The following PIGR variants were observed in gnomAD, a reference collection of about 807,000 sequenced individuals.
PIGR encodes hepatocellular carcinoma associated protein TB6.
In PIGR, 22 loss-of-function variants were observed where a neutral mutation model predicts 69.5. The observed-to-expected ratio is 0.32, with a 90% CI of 0.23 to 0.45. PIGR has a LOEUF of 0.45. Among genes scored for constraint, PIGR ranks in the 20% least tolerant of loss-of-function variants. PIGR has a pLI of 1.00. For missense variants in PIGR, 885 were observed against 974.0 expected (o/e 0.91, Z 1.22); for synonymous variants, 413 against 407.6 (o/e 1.01, Z -0.16).
chr1:206,935,438 G>T lies in PIGR; in HGVS notation c.1378+48C>A. On this transcript the variant is annotated intron_variant, in intron 5 of 10. Coordinates refer to ENST00000356495, the MANE Select transcript of PIGR (RefSeq NM_002644.4). This position sits in a 1 kb window ranked among gnomAD's most constrained non-coding sequence, Gnocchi z 4.4. ...AGGAAGAGTGGTTGGGGATGCTGCTGCTGGCTGGAGAGGTTTTAGAGCTTT... is the reference window on the plus strand; with the variant it reads ...AGGAAGAGTGGTTGGGGATGCTGCTTCTGGCTGGAGAGGTTTTAGAGCTTT... 1 of 1,476,206 alleles carries T rather than the reference G, an allele frequency of 6.8e-7. No individual in the cohort carries two copies. Among genetic ancestry groups the T allele is most frequent in the Non-Finnish European group, 9.3e-7 (1 of 1,072,542 alleles). 91.4% of individuals were successfully genotyped at this position (1,476,206 alleles called of 1,614,324 possible). A position where few individuals can be genotyped will look rare whatever the true frequency, so the allele number is the denominator to read the frequency against.
Position 206,937,721 on chromosome 1 carries a change from T to C in PIGR, c.419A>G (p.Tyr140Cys). The change falls in exon 4 of 11, where the codon TAC becomes TGC. Residue 140 changes from tyrosine to cysteine, a missense_variant. By Grantham distance (194) the Tyr-to-Cys change is radical (BLOSUM62 -2). Transcript: ENST00000356495. ...CACCGTTCTGCCCAGGTCCACTGTG[T>C]AGACTTTAGTGTCATTTAGGAGCCC... is the stretch of plus-strand genomic sequence containing the variant. ...GPGLLNDTKV[Y>C]TVDLGRTVTI... 6.2e-7 allele frequency: 1 copy of C among 1,614,128 alleles called. No individual in the cohort carries two copies. Among genetic ancestry groups the C allele is most frequent in the Middle Eastern group, 1.6e-4 (1 of 6,062 alleles).
chr1:206,935,851 T>G lies in PIGR; in HGVS notation c.1046-33A>C, dbSNP rs750630068. 2 of 1,526,618 alleles carry G rather than the reference T, an allele frequency of 1.3e-6. No homozygotes were observed. The highest frequency in any genetic ancestry group is 4.5e-5 in the East Asian group (2 of 44,078). 94.6% of individuals were successfully genotyped at this position (1,526,618 alleles called of 1,614,324 possible). A position where few individuals can be genotyped will look rare whatever the true frequency, so the allele number is the denominator to read the frequency against. Reference sequence around the variant, plus strand: ...CACAGACAGAGATGGGATGGGAGGATGGCCACGCAGGAAGAGCCTTGCGTG... The same window carrying G: ...CACAGACAGAGATGGGATGGGAGGAGGGCCACGCAGGAAGAGCCTTGCGTG... On this transcript the variant is annotated intron_variant, in intron 4 of 10. Coordinates refer to ENST00000356495, the MANE Select transcript of PIGR (RefSeq NM_002644.4). The surrounding 1 kb of genome is among the most constrained non-coding windows in gnomAD (Gnocchi z 4.4).
At chr1:206,941,797 G>A (rs1409856427) in intron 1 of PIGR, among the ~76,000 whole-genome samples, 4 of 152,240 alleles carry the variant, frequency 2.6e-5, no homozygotes, top group Admixed American at 2.6e-4. Context: ...CTACAGCCTA[G>A]AGGAGGAGAC....
At chr1:206,932,893 C>G in intron 7 of PIGR, 93 bp downstream of exon 7, 1 of 1,297,004 alleles carries the variant, frequency 7.7e-7, no homozygotes, top group Non-Finnish European at 1.1e-6. Context: ...GCTCAAGAGA[C>G]AGATGGGCTT....
intron 3 of PIGR, 122 bp downstream of exon 3, chr1:206,938,997 T>A: frequency 1.3e-6 from 1 of 782,510 alleles, no homozygotes; most frequent in East Asian, 2.5e-5. Context: ...GGGAAAGGGG[T>A]GCCTTCTGAC....
At chr1:206,933,284 G>C (rs1679797041) in intron 6 of PIGR, 118 bp from the exon 7 acceptor site, 3 of 986,332 alleles carry the variant, frequency 3.0e-6, no homozygotes, top group Middle Eastern at 3.2e-4. Flanking sequence ...CGATCTCAAG[G>C]CTGTTGGGGT....
At position 206,932,195 on chromosome 1, in the gene PIGR, A is replaced by C. The variant is rs74971030; in HGVS notation, c.2008+261T>G. Among the ~76,000 whole-genome samples, 767 of 152,284 alleles carry C rather than the reference A, an allele frequency of 5.0e-3. 3 individuals are homozygous for C. The highest frequency in any genetic ancestry group is 7.0e-3 in the Non-Finnish European group (473 of 68,016). ...CAAGCCCAGGGTCTCCTGAAACCCA[A>C]TCTCCTCTTCCTGGCAGCCCTGTCT... On this transcript the variant is annotated intron_variant, in intron 8 of 10. Transcript: ENST00000356495.
rs767359600 is a variant in PIGR, at chr1:206,937,177, C to A, written c.963G>T (p.Gly321=). 23 of 1,614,048 alleles carry A rather than the reference C, an allele frequency of 1.4e-5. No individual in the cohort carries two copies. The highest frequency in any genetic ancestry group is 1.6e-4 in the Middle Eastern group (1 of 6,082). ...VITGLRKEDA[G]RYLCGAHSDG... ...CCGAATGGGCTCCACACAGGTAGCG[C>A]CCTGCATCCTCCTTCCTCAGGCCTG... The change falls in exon 4 of 11, where the codon GGG becomes GGT. Residue 321 remains glycine, a synonymous_variant. Transcript: ENST00000356495.
At chr1:206,940,229 G>T (rs956060181) in intron 2 of PIGR, among the ~76,000 whole-genome samples, 1 of 152,182 alleles carries the variant, frequency 6.6e-6, no homozygotes, top group African/African-American at 2.4e-5. Context: ...TGAAGTTAAG[G>T]TCTTTGTTAT....
At position 206,937,387 on chromosome 1, in the gene PIGR, G is replaced by GC; in HGVS notation, c.752dup (p.Ser252LeufsTer11). 6.2e-7 allele frequency: 1 copy of GC among 1,614,018 alleles called. No homozygotes were observed. The highest frequency in any genetic ancestry group is 1.1e-5 in the South Asian group (1 of 91,082). The stretch of plus-strand genomic sequence containing the variant: ...CCAGGGCACAGTGGAAGGTCACTGA[G>GC]CCCCTCAGGTCTTCATAAACCAGCT... On this transcript the variant is annotated frameshift_variant, in exon 4 of 11. Transcript: ENST00000356495. LOFTEE classifies it high-confidence loss of function.
At chr1:206,936,973 G>A in intron 4 of PIGR, 122 bp downstream of exon 4, 1 of 985,122 alleles carries the variant, frequency 1.0e-6, no homozygotes, top group Non-Finnish European at 1.4e-6. Flanking sequence ...TTCGGGGCTG[G>A]TCATTGAGTG....
chr1:206,930,729 G>T lies in PIGR; in HGVS notation c.2200-316C>A. 1.0e-6 allele frequency: 1 copy of T among 985,392 alleles called. No individual in the cohort carries two copies. Among genetic ancestry groups the T allele is most frequent in the Non-Finnish European group, 1.2e-6 (1 of 829,922 alleles). 61.0% of individuals were successfully genotyped at this position (985,392 alleles called of 1,614,324 possible). A position where few individuals can be genotyped will look rare whatever the true frequency, so the allele number is the denominator to read the frequency against. ...TCCACGGGCAAGGTGGCCTAGGCTG[G>T]GGTCAACCACGGTGGTGTATGTTTT... On this transcript the variant is annotated intron_variant, in intron 10 of 10. Transcript: ENST00000356495. The surrounding 1 kb of genome is among the most constrained non-coding windows in gnomAD (Gnocchi z 4.3).
rs114199706 is a variant in PIGR at position 206,941,343 on chromosome 1, C to T, written c.-53-759G>A. On this transcript the variant is annotated intron_variant, in intron 1 of 10. Transcript: ENST00000356495. ...TGACTGCAAAGTCCATGTGCTTAACCTCTCCACTACTGTATCGCACCCCAA... is the reference window on the plus strand; with the variant it reads ...TGACTGCAAAGTCCATGTGCTTAACTTCTCCACTACTGTATCGCACCCCAA... Among the ~76,000 whole-genome samples, 1,303 of 152,284 alleles carry T rather than the reference C, an allele frequency of 8.6e-3. 13 individuals carry two copies. Among genetic ancestry groups the T allele is most frequent in the Non-Finnish European group, 0.011 (756 of 68,022 alleles).
At position 206,940,509 on chromosome 1, in the gene PIGR, C is replaced by G; in HGVS notation, c.23G>C (p.Cys8Ser). Residue 8 changes from cysteine (C) to serine (S), a missense_variant, in exon 2 of 11, where the codon TGC (cysteine) becomes TCC (serine). Coordinates refer to ENST00000356495, the MANE Select transcript of PIGR (RefSeq NM_002644.4). ...CACACCTGGGAAGACCGCCAGCAGG[C>G]AGGTGAGCACGAAGAGCAGCATTGC... is the stretch of plus-strand genomic sequence containing the variant. Reference protein sequence around the residue: MLLFVLTCLLAVFPAIST... With the variant: MLLFVLTSLLAVFPAIST... 6.4e-7 allele frequency: 1 copy of G among 1,551,504 alleles called. No individual in the cohort carries two copies.
chr1:206,931,868 G>C, intron 8 of PIGR, 66 bp from the exon 9 acceptor site: 3 of 1,586,096 alleles, frequency 1.9e-6, no homozygotes, highest in Non-Finnish European at 2.6e-6. Context: ...AGGCTGGGCT[G>C]CTTCTCTCTG....
intron 1 of PIGR, among the ~76,000 whole-genome samples, chr1:206,943,872 G>A (rs895307628): frequency 2.0e-5 from 3 of 152,182 alleles, no homozygotes; most frequent in African/African-American, 7.2e-5. Context: ...TGCTTTACAT[G>A]TGTTAATGTG....
At chr1:206,932,408 G>T in intron 8 of PIGR, 48 bp downstream of exon 8, 1 of 1,573,856 alleles carries the variant, frequency 6.4e-7, no homozygotes, top group Non-Finnish European at 8.6e-7. Flanking sequence ...ATTCAGGACT[G>T]AGGGCTCGGG....
Position 206,939,207 on chromosome 1 carries a change from C to T in PIGR, c.300G>A (p.Leu100=). Residue 100 remains leucine (L), a synonymous_variant, in exon 3 of 11, where the codon CTG becomes CTA. Transcript: ENST00000356495. ...TGTAGCGCCCGGAGTCATCCTGGCT[C>T]AGCTGGGCAATGTTCACCACAAATG... ...NGTFVVNIAQ[L]SQDDSGRYKC... 1.9e-6 allele frequency: 3 copies of T among 1,614,194 alleles called. No individual in the cohort carries two copies. Among genetic ancestry groups the T allele is most frequent in the Non-Finnish European group, 2.5e-6 (3 of 1,180,032 alleles).
chr1:206,931,867 T>A, intron 8 of PIGR, 65 bp from the exon 9 acceptor site: 1 of 1,589,424 alleles, frequency 6.3e-7, no homozygotes, highest in Non-Finnish European at 8.6e-7. Flanking sequence ...CAGGCTGGGC[T>A]GCTTCTCTCT....
Sources: allele counts gnomAD v4.1 joint callset (sites outside exome capture counted in the v4.1 genomes callset), GRCh38; gene constraint gnomAD v4.1.1; non-coding constraint Gnocchi (gnomAD v3.1); transcripts MANE v1.5; gene names NCBI Gene and HGNC (gene_info 2026-07-23, HGNC 2026-07-21).